MDGA2: variants seen among roughly 807,000 people sequenced by gnomAD.
The protein encoded by MDGA2 is MAM domain-containing glycosylphosphatidylinositol anchor protein 2.
MDGA2 carries 40 observed loss-of-function variants against 117.8 expected under a neutral mutation model. The observed-to-expected ratio is 0.34, with a 90% CI of 0.26 to 0.44. The LOEUF (loss-of-function observed/expected upper bound fraction) is 0.44, where lower values mean the gene tolerates loss of function less well. MDGA2 is among the 20% of genes least tolerant of loss of function. The pLI is 1.00. For missense variants in MDGA2, 1,123 were observed against 1,250.6 expected (o/e 0.90, Z 1.54); for synonymous variants, 452 against 439.0 (o/e 1.03, Z -0.37).
intron 1 of MDGA2, among the ~76,000 whole-genome samples, chr14:47,661,254 G>T (rs1359729529): frequency 6.6e-6 from 1 of 152,000 alleles, no homozygotes; most frequent in Non-Finnish European, 1.5e-5. Context: ...TCAGCCACCA[G>T]TAACTATATG....
chr14:47,441,112 C>A (rs919554390), intron 1 of MDGA2, among the ~76,000 whole-genome samples: 1 of 152,018 alleles, frequency 6.6e-6, no homozygotes, highest in African/African-American at 2.4e-5. Context: ...AAGGTGAGAC[C>A]GATGAACTCT....
At chr14:47,077,211 G>T (rs2138869440) in intron 6 of MDGA2, among the ~76,000 whole-genome samples, 1 of 152,132 alleles carries the variant, frequency 6.6e-6, no homozygotes. Context: ...TTCACTAAAT[G>T]GCTACAGGCA....
chr14:46,947,496 T>C (rs548448605), intron 9 of MDGA2, among the ~76,000 whole-genome samples: 18 of 152,158 alleles, frequency 1.2e-4, no homozygotes, highest in African/African-American at 4.3e-4. Context: ...CACCCAAATC[T>C]CATCTTGAAT....
chr14:47,303,364 C>T (rs566063723), intron 1 of MDGA2, among the ~76,000 whole-genome samples: 1 of 152,262 alleles, frequency 6.6e-6, no homozygotes, highest in African/African-American at 2.4e-5. Flanking sequence ...AAATGTCCAG[C>T]TTGGTCTATA....
intron 8 of MDGA2, among the ~76,000 whole-genome samples, chr14:47,015,074 C>A (rs1355234292): frequency 6.6e-6 from 1 of 151,946 alleles, no homozygotes; most frequent in Non-Finnish European, 1.5e-5. Context: ...AATAGGGAGA[C>A]CCAAGGAGGA....
At chr14:47,558,313 C>A (rs1895726680) in intron 1 of MDGA2, among the ~76,000 whole-genome samples, 1 of 152,084 alleles carries the variant, frequency 6.6e-6, no homozygotes, top group African/African-American at 2.4e-5. Context: ...ACTTTGATAT[C>A]CTGGAGAAAT....
intron 15 of MDGA2, among the ~76,000 whole-genome samples, chr14:46,846,643 A>G (rs1348775293): frequency 6.6e-6 from 1 of 152,242 alleles, no homozygotes; most frequent in East Asian, 1.9e-4. Flanking sequence ...GCAAATTTAT[A>G]TATTTTTTAT....
intron 1 of MDGA2, among the ~76,000 whole-genome samples, chr14:47,545,101 C>T (rs1895435220): frequency 6.6e-6 from 1 of 152,124 alleles, no homozygotes; most frequent in Admixed American, 6.5e-5. Context: ...TGCTGGCCTT[C>T]TATTAGTATT....
At chr14:47,042,431 G>A (rs1167308676) in intron 7 of MDGA2, among the ~76,000 whole-genome samples, 1 of 151,224 alleles carries the variant, frequency 6.6e-6, no homozygotes. Context: ...CATCTTTGGT[G>A]ATCTGATTGA....
At chr14:47,207,265 G>A (rs1885720102) in intron 3 of MDGA2, among the ~76,000 whole-genome samples, 1 of 151,946 alleles carries the variant, frequency 6.6e-6, no homozygotes, top group Non-Finnish European at 1.5e-5. Context: ...GCTTTAGGAG[G>A]ATGAGGAATT....
chr14:47,132,389 C>A (rs537280847), intron 4 of MDGA2, among the ~76,000 whole-genome samples: 1 of 151,938 alleles, frequency 6.6e-6, no homozygotes, highest in African/African-American at 2.4e-5. Context: ...TGACAGGTGA[C>A]AGATCTAAAA....
At chr14:47,477,518 A>T (rs1487558726) in intron 1 of MDGA2, among the ~76,000 whole-genome samples, 1 of 152,164 alleles carries the variant, frequency 6.6e-6, no homozygotes, top group East Asian at 1.9e-4. Flanking sequence ...CCACGTTTTC[A>T]TTTATGAATC....
In MDGA2 at chr14:47,534,597, T is replaced by C. The variant is rs181211782; in HGVS notation, c.280+139920A>G. Among the ~76,000 whole-genome samples the C allele has an allele frequency of 3.7e-3, 564 of 152,164 alleles. 6 individuals carry two copies. The highest frequency in any genetic ancestry group is 0.013 in the African/African-American group (535 of 41,526). ...CTCGCTCATTATCACAAGAATAGCA[T>C]GGAAGAAACCACCCTCATGCTCCAA... is the stretch of plus-strand genomic sequence containing the variant. On this transcript the variant is annotated intron_variant, in intron 1 of 16. Coordinates refer to ENST00000399232, the MANE Select transcript of MDGA2 (RefSeq NM_001113498.3).
intron 1 of MDGA2, among the ~76,000 whole-genome samples, chr14:47,327,779 A>C (rs1180055824): frequency 1.3e-5 from 2 of 152,160 alleles, no homozygotes; most frequent in African/African-American, 4.8e-5. Context: ...TGTTTCACAT[A>C]AAGTTACTCA....
intron 3 of MDGA2, among the ~76,000 whole-genome samples, chr14:47,205,760 G>A (rs956806941): frequency 2.6e-5 from 4 of 151,942 alleles, no homozygotes; most frequent in East Asian, 1.9e-4. Flanking sequence ...AAATGGAACC[G>A]TGATCTTCTA....
intron 5 of MDGA2, among the ~76,000 whole-genome samples, chr14:47,121,738 A>AT (rs1881663182): frequency 6.6e-6 from 1 of 152,092 alleles, no homozygotes; most frequent in African/African-American, 2.4e-5. Flanking sequence ...GGTACTGTAA[A>AT]TGCCTTACAG....
At chr14:47,381,860 A>G (rs1210493070) in intron 1 of MDGA2, among the ~76,000 whole-genome samples, 4 of 152,198 alleles carry the variant, frequency 2.6e-5, no homozygotes, top group African/African-American at 9.7e-5. Flanking sequence ...GGAAAAAACT[A>G]CTTTAAAATT....
intron 15 of MDGA2, among the ~76,000 whole-genome samples, chr14:46,853,479 A>C (rs1250210186): frequency 1.3e-5 from 2 of 151,924 alleles, no homozygotes; most frequent in African/African-American, 2.4e-5. Context: ...ACAGTTTATA[A>C]ATACGAATGA....
chr14:47,661,141 G>C (rs1482984921), intron 1 of MDGA2, among the ~76,000 whole-genome samples: 1 of 151,920 alleles, frequency 6.6e-6, no homozygotes, highest in African/African-American at 2.4e-5. Context: ...GATTTAATTA[G>C]AATAAGTATA....
Sources: allele counts gnomAD v4.1 joint callset (sites outside exome capture counted in the v4.1 genomes callset), GRCh38; gene constraint gnomAD v4.1.1; transcripts MANE v1.5; gene names NCBI Gene and HGNC (gene_info 2026-07-23, HGNC 2026-07-21).